Variants in MED6 observed in about 807,000 individuals in gnomAD.
MED6 encodes mediator complex subunit 6.
MED6 carries 33 observed loss-of-function variants against 37.5 expected under a neutral mutation model. That is an observed-to-expected ratio of 0.88 (90% CI 0.67 to 1.18). MED6 has a LOEUF of 1.18. Ranked by LOEUF, MED6 falls within the 50% of genes most tolerant of loss-of-function variation. MED6 has a pLI of 0.00. For synonymous variants in MED6, 94 were observed against 93.6 expected (o/e 1.00, Z -0.02); for missense variants, 235 against 290.6 (o/e 0.81, Z 1.39).
chr14:70,594,732 A>G, intron 3 of MED6: 1 of 486,912 alleles, frequency 2.1e-6, no homozygotes, highest in Non-Finnish European at 3.8e-6. Flanking sequence ...GGGGTACAGG[A>G]GCCTGGCCAT....
chr14:70,593,068 T>A (rs1884932426), intron 4 of MED6, 80 bp from the exon 5 acceptor site: 5 of 1,569,056 alleles, frequency 3.2e-6, no homozygotes, highest in Non-Finnish European at 4.4e-6. Flanking sequence ...AAATATTACA[T>A]ATGCAAAGAC....
intron 3 of MED6, 117 bp downstream of exon 3, chr14:70,596,494 T>C: frequency 1.5e-6 from 1 of 683,898 alleles, no homozygotes; most frequent in East Asian, 2.7e-5. Flanking sequence ...ACTGAACATG[T>C]ATGTGGTCTT....
chr14:70,589,689 T>C (rs1351468373), intron 6 of MED6, among the ~76,000 whole-genome samples: 5 of 152,200 alleles, frequency 3.3e-5, no homozygotes, highest in African/African-American at 7.2e-5. Flanking sequence ...AGAAGAAACA[T>C]AGGCCTCCAG....
intron 3 of MED6, chr14:70,595,100 A>G: frequency 1.9e-6 from 1 of 535,758 alleles, no homozygotes; most frequent in Non-Finnish European, 3.7e-6. Flanking sequence ...AGCAACATCC[A>G]TGGGCTCTGC....
intron 6 of MED6, among the ~76,000 whole-genome samples, chr14:70,587,666 C>T (rs894056701): frequency 6.6e-6 from 1 of 152,126 alleles, no homozygotes; most frequent in African/African-American, 2.4e-5. Flanking sequence ...GTAAGTCCTG[C>T]TAGACTAGTA....
chr14:70,587,774 C>T (rs1176470022), intron 6 of MED6, among the ~76,000 whole-genome samples: 2 of 152,150 alleles, frequency 1.3e-5, no homozygotes, highest in Non-Finnish European at 2.9e-5. Context: ...AAGTAATATC[C>T]TATGGTATTC....
At chr14:70,596,511 C>T (rs2233133) in intron 3 of MED6, 100 bp downstream of exon 3, 8,653 of 831,472 alleles carry the variant, frequency 0.01, 125 homozygotes, top group South Asian at 0.038. Context: ...TCTTGGAGAC[C>T]CCCCAAACAG....
At position 70,583,468 on chromosome 14, in the gene MED6, C is replaced by T. The variant is rs1884606835; in HGVS notation, c.*1345G>A. 1 of 152,182 alleles carries T rather than the reference C, an allele frequency of 6.6e-6. No homozygotes were observed. 9.4% of individuals were successfully genotyped at this position (152,182 alleles called of 1,614,324 possible). On this transcript the variant is annotated 3_prime_UTR_variant, in exon 8 of 8. Transcript: ENST00000256379. Reference sequence around the variant, plus strand: ...TCAAACTTCGCTGTTTGAGTGATCACTAGTCCAACATTTTGAGGAACAACT... The same window carrying T: ...TCAAACTTCGCTGTTTGAGTGATCATTAGTCCAACATTTTGAGGAACAACT...
At chr14:70,585,151 A>T (rs1251423331) in intron 7 of MED6, among the ~76,000 whole-genome samples, 1 of 152,252 alleles carries the variant, frequency 6.6e-6, no homozygotes, top group Non-Finnish European at 1.5e-5. Flanking sequence ...GATACTAGAC[A>T]AAACTACATA....
chr14:70,584,911 G>T lies in MED6; in HGVS notation c.643C>A (p.Pro215Thr). Residue 215 changes from proline (P) to threonine (T), a missense_variant, in exon 8 of 8, where the codon CCA (proline) becomes ACA (threonine). Transcript: ENST00000256379. ...TTCTCCTCAGGTTTTACAGTTTCTGGTATAGGTTCTGCCTCTTTCTTTGTT... is the reference window on the plus strand; with the variant it reads ...TTCTCCTCAGGTTTTACAGTTTCTGTTATAGGTTCTGCCTCTTTCTTTGTT... The part of the protein sequence containing the change: ...DQTKKEAEPI[P>T]ETVKPEEKET... 6.2e-7 allele frequency: 1 copy of T among 1,613,880 alleles called. No homozygotes were observed. The highest frequency in any genetic ancestry group is 8.5e-7 in the Non-Finnish European group (1 of 1,179,916).
chr14:70,588,537 T>A (rs1024843969), intron 6 of MED6, among the ~76,000 whole-genome samples: 2 of 151,312 alleles, frequency 1.3e-5, no homozygotes, highest in African/African-American at 4.9e-5. Flanking sequence ...ATACAAAAAA[T>A]TAGCCGGGCG....
intron 3 of MED6, chr14:70,595,260 C>T (rs181135598): frequency 1.8e-6 from 1 of 547,100 alleles, no homozygotes; most frequent in Admixed American, 1.9e-5. Flanking sequence ...GTAGATACCC[C>T]CAAATCTCAG....
intron 1 of MED6, among the ~76,000 whole-genome samples, chr14:70,598,232 G>C (rs1242394042): frequency 6.6e-6 from 1 of 152,062 alleles, no homozygotes; most frequent in East Asian, 1.9e-4. Context: ...AGGTCTCGGA[G>C]ATTGTGGTGA....
chr14:70,597,581 T>C (rs539153065), intron 2 of MED6, 37 bp downstream of exon 2: 12 of 1,424,984 alleles, frequency 8.4e-6, no homozygotes, highest in Admixed American at 2.8e-5. Context: ...GCAAAACTTG[T>C]ATTTGGAAAA....
In MED6 at chr14:70,594,666, G is replaced by A. The variant is rs562690886; in HGVS notation, c.275-1288C>T. ...CACGGCCAGCGTCTATACAGGCACC[G>A]GAGGCTCTGGTTCCCAGATCTCCGT... On this transcript the variant is annotated intron_variant, in intron 3 of 7. Transcript: ENST00000256379. 9.5e-5 allele frequency: 43 copies of A among 450,400 alleles called. 1 individual carries two copies. In the East Asian group the frequency reaches 1.0e-3, roughly 10 times the overall value. 27.9% of individuals were successfully genotyped at this position (450,400 alleles called of 1,614,324 possible).
In MED6 at chr14:70,592,919, T is replaced by G. The variant is rs757867706; in HGVS notation, c.427A>C (p.Lys143Gln). ...TCTTTGAAGTGCCACCAATACCCTTTGGAAGGATGATATCGACAGTATGAC... is the reference window on the plus strand; with the variant it reads ...TCTTTGAAGTGCCACCAATACCCTTGGGAAGGATGATATCGACAGTATGAC... The part of the protein sequence containing the change: ...AMSYCRYHPS[K>Q]GYWWHFKDHE... The change falls in exon 5 of 8, where the codon AAA (lysine) becomes CAA (glutamine). Residue 143 changes from lysine (K) to glutamine (Q), a missense_variant. Transcript: ENST00000256379. 1 of 1,613,960 alleles carries G rather than the reference T, an allele frequency of 6.2e-7. No homozygotes were observed. Among genetic ancestry groups the G allele is most frequent in the Admixed American group, 1.7e-5 (1 of 60,012 alleles).
chr14:70,583,950 T>TA lies in MED6; in HGVS notation c.*862dup, dbSNP rs1008643220. On this transcript the variant is annotated 3_prime_UTR_variant, in exon 8 of 8. Transcript: ENST00000256379. ...CTGGACTTCTCAGCCTCCATAACTT[T>TA]AAAAAAAATAAAATTCCTTTTCTTT... 4.4e-5 allele frequency: 19 copies of TA among 435,718 alleles called. No homozygotes were observed. Among genetic ancestry groups the TA allele is most frequent in the South Asian group, 2.6e-4 (4 of 15,616 alleles). 27.0% of individuals were successfully genotyped at this position (435,718 alleles called of 1,614,324 possible).
At chr14:70,598,018 G>A (rs980412678) in intron 1 of MED6, among the ~76,000 whole-genome samples, 2 of 152,102 alleles carry the variant, frequency 1.3e-5, no homozygotes, top group Admixed American at 6.6e-5. Flanking sequence ...AATTCTGGCC[G>A]GGTGCGGTGG....
chr14:70,599,650 C>A (rs562933630), intron 1 of MED6, among the ~76,000 whole-genome samples: 1 of 152,158 alleles, frequency 6.6e-6, no homozygotes, highest in Non-Finnish European at 1.5e-5. Flanking sequence ...TTTAACACAC[C>A]AAACACACTC....
Sources: allele counts gnomAD v4.1 joint callset (sites outside exome capture counted in the v4.1 genomes callset), GRCh38; gene constraint gnomAD v4.1.1; transcripts MANE v1.5; gene names NCBI Gene and HGNC (gene_info 2026-07-23, HGNC 2026-07-21).